Variants in PTPRT observed in about 807,000 individuals in gnomAD.
The protein encoded by PTPRT is protein tyrosine phosphatase receptor type T.
PTPRT carries 56 observed loss-of-function variants against 176.8 expected under a neutral mutation model. That is an observed-to-expected ratio of 0.32 (90% CI 0.26 to 0.40). PTPRT has a LOEUF of 0.40. PTPRT is among the 10% of genes least tolerant of loss of function. PTPRT has a pLI of 1.00. For missense variants in PTPRT, 1,540 were observed against 1,908.2 expected (o/e 0.81, Z 3.60); for synonymous variants, 783 against 739.0 (o/e 1.06, Z -0.96).
At chr20:42,443,346 C>G (rs2059335846) in intron 9 of PTPRT, among the ~76,000 whole-genome samples, 1 of 152,160 alleles carries the variant, frequency 6.6e-6, no homozygotes, top group Non-Finnish European at 1.5e-5. Flanking sequence ...AGGCTGGGGC[C>G]TGCGATTCTG....
At chr20:43,132,992 A>G (rs954454282) in intron 1 of PTPRT, among the ~76,000 whole-genome samples, 1 of 152,210 alleles carries the variant, frequency 6.6e-6, no homozygotes, top group African/African-American at 2.4e-5. Context: ...AAGTTGAGAA[A>G]CCAATAACTA....
At chr20:42,355,980 T>C (rs2058353101) in intron 9 of PTPRT, among the ~76,000 whole-genome samples, 1 of 152,174 alleles carries the variant, frequency 6.6e-6, no homozygotes, top group East Asian at 1.9e-4. Flanking sequence ...ACACTATGAA[T>C]AAATCAATGT....
At chr20:43,131,527 T>A (rs1286288476) in intron 1 of PTPRT, among the ~76,000 whole-genome samples, 3 of 152,236 alleles carry the variant, frequency 2.0e-5, no homozygotes, top group Admixed American at 6.5e-5. Flanking sequence ...TCGACCAAAT[T>A]TGTTTTTAAA....
At chr20:43,113,359 T>C (rs569387955) in intron 1 of PTPRT, among the ~76,000 whole-genome samples, 1 of 152,370 alleles carries the variant, frequency 6.6e-6, no homozygotes, top group Non-Finnish European at 1.5e-5. Context: ...TGATGAAGGA[T>C]TTTAATAATT....
intron 7 of PTPRT, among the ~76,000 whole-genome samples, chr20:42,577,837 C>CTGTG (rs11468271): frequency 6.4e-4 from 89 of 139,430 alleles, no homozygotes; most frequent in Middle Eastern, 7.4e-3. Flanking sequence ...CTGAGCAAGG[C>CTGTG]TGTGTGTGTG....
intron 1 of PTPRT, among the ~76,000 whole-genome samples, chr20:43,097,092 T>C (rs1267958634): frequency 6.6e-6 from 1 of 152,216 alleles, no homozygotes; most frequent in African/African-American, 2.4e-5. Context: ...AGCGTTGGCC[T>C]CTGCAAAGGC....
At chr20:42,182,674 T>C (rs544749634) in intron 16 of PTPRT, among the ~76,000 whole-genome samples, 3 of 152,282 alleles carry the variant, frequency 2.0e-5, no homozygotes, top group Non-Finnish European at 2.9e-5. Flanking sequence ...ATTAACTGAA[T>C]AAGAACACTC....
intron 9 of PTPRT, among the ~76,000 whole-genome samples, chr20:42,429,227 C>T (rs553975073): frequency 6.6e-6 from 1 of 152,222 alleles, no homozygotes; most frequent in South Asian, 2.1e-4. Flanking sequence ...CTCAGTGATA[C>T]ATGGTAAAGA....
In PTPRT at chr20:42,083,118, C is replaced by CAAA. The variant is rs3084622; in HGVS notation, c.4137-1104_4137-1102dup. On this transcript the variant is annotated intron_variant, in intron 29 of 30. Coordinates refer to ENST00000373187, the MANE Select transcript of PTPRT (RefSeq NM_007050.6). Reference sequence around the variant, plus strand: ...GGACATAGATAAAAAGACACTAGTGCAAAAAAAAAAAAAAAAAAGCAGGCT... The same window carrying CAAA: ...GGACATAGATAAAAAGACACTAGTGCAAAAAAAAAAAAAAAAAAAAAGCAGGCT... Among the ~76,000 whole-genome samples, 135 of 60,070 alleles carry CAAA rather than the reference C, an allele frequency of 2.2e-3. 9 individuals are homozygous for CAAA. The highest frequency in any genetic ancestry group is 2.5e-3 in the Non-Finnish European group (94 of 37,224). The allele number at this position is 60,070 out of a possible 152,430, so 39.4% of individuals were successfully genotyped here.
chr20:42,109,826 G>GTGAC (rs537755906), intron 23 of PTPRT, among the ~76,000 whole-genome samples: 2 of 152,280 alleles, frequency 1.3e-5, no homozygotes, highest in Admixed American at 1.3e-4. Flanking sequence ...TGCCTCCCTG[G>GTGAC]TGACTGACTT....
intron 6 of PTPRT, among the ~76,000 whole-genome samples, chr20:42,724,864 A>T (rs1415366946): frequency 6.6e-6 from 1 of 151,790 alleles, no homozygotes; most frequent in Non-Finnish European, 1.5e-5. Flanking sequence ...TCCCTCTTTT[A>T]TACCCCTTGT....
rs535468316 is a variant in PTPRT, at chr20:42,911,448, G to GTAATTA, written c.89-25522_89-25517dup. Among the ~76,000 whole-genome samples the GTAATTA allele has an allele frequency of 4.4e-3, 675 of 152,178 alleles. 9 individuals are homozygous for GTAATTA. Among genetic ancestry groups the GTAATTA allele is most frequent in the African/African-American group, 0.015 (616 of 41,546 alleles). Reference sequence around the variant, plus strand: ...CATAACTATTGACAGATATTAACTAGTAATTATTCTGATTACCCTAAAGTG... The same window carrying GTAATTA: ...CATAACTATTGACAGATATTAACTAGTAATTATAATTATTCTGATTACCCTAAAGTG... On this transcript the variant is annotated intron_variant, in intron 1 of 30. Transcript: ENST00000373187.
At chr20:42,536,662 G>A (rs2072481717) in intron 7 of PTPRT, among the ~76,000 whole-genome samples, 1 of 152,148 alleles carries the variant, frequency 6.6e-6, no homozygotes. Flanking sequence ...CATACATAAA[G>A]TGTTTATCAG....
At chr20:42,044,170 C>T in the PTPRT span, among the ~76,000 whole-genome samples, 276 of 152,310 alleles carry the variant, frequency 1.8e-3, no homozygotes, top group Non-Finnish European at 3.2e-3. Flanking sequence ...AAGCCAAGGG[C>T]TTAGCAGCCC....
intron 9 of PTPRT, among the ~76,000 whole-genome samples, chr20:42,430,498 G>A (rs2059206331): frequency 1.3e-5 from 2 of 152,200 alleles, no homozygotes; most frequent in African/African-American, 4.8e-5. Flanking sequence ...GGTTCAGCTT[G>A]AGAGGCCCAA....
chr20:43,180,743 G>A (rs888719333), intron 1 of PTPRT, among the ~76,000 whole-genome samples: 3 of 152,016 alleles, frequency 2.0e-5, no homozygotes, highest in Non-Finnish European at 2.9e-5. Context: ...AATTACAAGC[G>A]TGAGCCACCA....
At chr20:43,020,464 C>T (rs1985620086) in intron 1 of PTPRT, among the ~76,000 whole-genome samples, 2 of 152,176 alleles carry the variant, frequency 1.3e-5, no homozygotes, top group East Asian at 1.9e-4. Flanking sequence ...ACTCTTCAAA[C>T]ATCACCCTAC....
chr20:42,704,782 G>T (rs1285708799), intron 6 of PTPRT, among the ~76,000 whole-genome samples: 1 of 152,180 alleles, frequency 6.6e-6, no homozygotes, highest in Admixed American at 6.5e-5. Flanking sequence ...GAAGGAAAGG[G>T]TCATGTAGGG....
At chr20:43,151,830 T>TTGTTG (rs1342016011) in intron 1 of PTPRT, among the ~76,000 whole-genome samples, 1 of 149,720 alleles carries the variant, frequency 6.7e-6, no homozygotes, top group Non-Finnish European at 1.5e-5. Flanking sequence ...GCCATTGCAC[T>TTGTTG]CCAGCCCAGG....
Sources: allele counts gnomAD v4.1 joint callset (sites outside exome capture counted in the v4.1 genomes callset), GRCh38; gene constraint gnomAD v4.1.1; transcripts MANE v1.5; gene names NCBI Gene and HGNC (gene_info 2026-07-23, HGNC 2026-07-21).